RIMS1: variants seen among roughly 807,000 people sequenced by gnomAD.
RIMS1 encodes regulating synaptic membrane exocytosis 1.
Under a neutral mutation model 214.1 loss-of-function variants are expected in RIMS1, and 83 were observed. The observed-to-expected ratio is 0.39, with a 90% CI of 0.32 to 0.47. The LOEUF (loss-of-function observed/expected upper bound fraction) is 0.47, where lower values mean the gene tolerates loss of function less well. Ranked by LOEUF, RIMS1 falls within the 20% of genes least tolerant of loss-of-function variation. RIMS1 has a pLI of 0.99. For synonymous variants in RIMS1, 793 were observed against 786.8 expected (o/e 1.01, Z -0.13); for missense variants, 2,050 against 2,161.8 (o/e 0.95, Z 1.03).
At chr6:71,949,443 A>C (rs1788802992) in intron 1 of RIMS1, among the ~76,000 whole-genome samples, 1 of 152,156 alleles carries the variant, frequency 6.6e-6, no homozygotes, top group Non-Finnish European at 1.5e-5. Context: ...TTTCTTTTAC[A>C]CACTGAAGTA....
chr6:72,393,045 T>C (rs2098724986), intron 31 of RIMS1, among the ~76,000 whole-genome samples: 1 of 142,104 alleles, frequency 7.0e-6, no homozygotes, highest in South Asian at 2.2e-4. Context: ...CCTGATATAA[T>C]AGATGTAAAT....
intron 6 of RIMS1, among the ~76,000 whole-genome samples, chr6:72,200,910 A>G (rs147248233): frequency 1.3e-5 from 2 of 149,854 alleles, no homozygotes; most frequent in Admixed American, 6.7e-5. Context: ...GTCTGAGCTA[A>G]CATGCCAATT....
At chr6:72,291,524 A>G (rs1196405820) in intron 25 of RIMS1, among the ~76,000 whole-genome samples, 1 of 152,222 alleles carries the variant, frequency 6.6e-6, no homozygotes, top group Non-Finnish European at 1.5e-5. Context: ...TCTATAGTCA[A>G]TATCAATTTA....
At chr6:72,228,062 T>C (rs918260608) in intron 6 of RIMS1, among the ~76,000 whole-genome samples, 11 of 152,058 alleles carry the variant, frequency 7.2e-5, no homozygotes, top group East Asian at 3.9e-4. Flanking sequence ...GAGAGAAATA[T>C]ACACTCATAA....
At chr6:72,082,469 A>G (rs1201933642) in intron 2 of RIMS1, among the ~76,000 whole-genome samples, 1 of 152,196 alleles carries the variant, frequency 6.6e-6, no homozygotes, top group Non-Finnish European at 1.5e-5. Flanking sequence ...GAGTCTTTGC[A>G]TGTTAAATAA....
In RIMS1 at chr6:72,265,020, A is replaced by G. The variant is rs993752467; in HGVS notation, c.3162A>G (p.Leu1054=). The change falls in exon 20 of 34, where the codon TTA becomes TTG. Residue 1054 remains leucine, a synonymous_variant. Transcript: ENST00000521978. ...AAACATTACCTCCCAAGATGCCTTT[A>G]TTACAGAGCAGTTCTCACTGGAATA... ...HYKTLPPKMP[L]LQSSSHWNIY... is the part of the protein sequence containing the mutation. The G allele has an allele frequency of 1.3e-6, 2 of 1,594,532 alleles. No individual in the cohort carries two copies.
chr6:72,303,425 A>G (rs936765220), intron 26 of RIMS1, among the ~76,000 whole-genome samples: 3 of 151,132 alleles, frequency 2.0e-5, no homozygotes, highest in Non-Finnish European at 4.5e-5. Context: ...AAAGAATGTG[A>G]AAAGAGTAGT....
At chr6:72,304,244 G>A (rs2094926125) in intron 26 of RIMS1, among the ~76,000 whole-genome samples, 1 of 151,674 alleles carries the variant, frequency 6.6e-6, no homozygotes, top group African/African-American at 2.4e-5. Context: ...GCTAGGATTT[G>A]TGGGGTAATT....
chr6:72,262,883 T>TA (rs959694484), intron 19 of RIMS1: 9 of 558,196 alleles, frequency 1.6e-5, no homozygotes, highest in Non-Finnish European at 1.6e-5. Context: ...ATAAGGAAAA[T>TA]AACATTTATT....
intron 6 of RIMS1, among the ~76,000 whole-genome samples, chr6:72,189,229 G>A (rs1001645140): frequency 1.3e-5 from 2 of 152,154 alleles, no homozygotes; most frequent in Non-Finnish European, 2.9e-5. Flanking sequence ...CTTTGCCTGA[G>A]CCCTGCAAAG....
intron 2 of RIMS1, among the ~76,000 whole-genome samples, chr6:72,014,465 A>G (rs1185629959): frequency 1.3e-5 from 2 of 152,246 alleles, no homozygotes; most frequent in Non-Finnish European, 2.9e-5. Flanking sequence ...TTGCTGGATA[A>G]TATTCCATTG....
chr6:72,316,465 T>C (rs1009681820), intron 28 of RIMS1: 11 of 332,238 alleles, frequency 3.3e-5, no homozygotes, highest in East Asian at 7.2e-5. Flanking sequence ...ATAAATACCG[T>C]GGATGCTCAG....
intron 6 of RIMS1, among the ~76,000 whole-genome samples, chr6:72,222,577 A>G (rs978347570): frequency 2.0e-5 from 3 of 152,112 alleles, no homozygotes; most frequent in Non-Finnish European, 2.9e-5. Context: ...AATTGTAAAA[A>G]CTTAGCTTCT....
In RIMS1 at chr6:72,265,473, T is replaced by A; in HGVS notation, c.3278T>A (p.Val1093Glu). The stretch of plus-strand genomic sequence containing the variant: ...CATCATGAATGCTTTAACTCAACAG[T>A]ATTGAGATTTACTGATGAAATACTG... ...SLHHECFNST[V>E]LRFTDEILVS... Residue 1093 changes from valine to glutamate, a missense_variant, in exon 21 of 34, where the codon GTA becomes GAA. Physicochemically the swap from Val to Glu is moderately radical, Grantham distance 121. Transcript: ENST00000521978. 1 of 1,595,498 alleles carries A rather than the reference T, an allele frequency of 6.3e-7. No individual in the cohort carries two copies. The highest frequency in any genetic ancestry group is 8.6e-7 in the Non-Finnish European group (1 of 1,164,490).
rs2098831008 is a variant in RIMS1 at position 72,400,830 on chromosome 6, T to C, written c.*116T>C. On this transcript the variant is annotated 3_prime_UTR_variant, in exon 34 of 34. Transcript: ENST00000521978. ...ACAGACAATCAACTTGTGTTTTGCC[T>C]GTAGTAGTTTTTCAATAATATGTCC... 2 of 831,370 alleles carry C rather than the reference T, an allele frequency of 2.4e-6. No individual in the cohort carries two copies. The highest frequency in any genetic ancestry group is 1.7e-5 in the African/African-American group (1 of 58,368). The allele number at this position is 831,370 out of a possible 1,614,324, so 51.5% of individuals were successfully genotyped here.
At chr6:72,303,146 A>C (rs1032788819) in intron 26 of RIMS1, among the ~76,000 whole-genome samples, 7 of 151,102 alleles carry the variant, frequency 4.6e-5, no homozygotes, top group Non-Finnish European at 8.9e-5. Flanking sequence ...TTTTAAAGCA[A>C]ATTACAAATA....
At position 72,182,888 on chromosome 6, in the gene RIMS1, C is replaced by A; in HGVS notation, c.1417C>A (p.Gln473Lys). The A allele has an allele frequency of 6.4e-7, 1 of 1,569,126 alleles. No homozygotes were observed. The highest frequency in any genetic ancestry group is 8.6e-7 in the Non-Finnish European group (1 of 1,158,812). ...ELKAQEPLRK[Q>K]SRLDPSSAVL... The stretch of plus-strand genomic sequence containing the variant: ...CAAAGCCCAGGAGCCCCTCAGGAAG[C>A]AGAGCCGCCTGGACCCCAGCTCGGC... The change falls in exon 6 of 34, where the codon CAG becomes AAG. Residue 473 changes from glutamine (Q) to lysine (K), a missense_variant. Around this residue, in one of 6 missense-constraint regions of RIMS1, gnomAD observed 882 missense variants for 828.9 expected, o/e 1.06. Transcript: ENST00000521978.
chr6:72,233,991 T>C (rs1052192589), intron 7 of RIMS1, among the ~76,000 whole-genome samples, 151 bp downstream of exon 7: 1 of 151,988 alleles, frequency 6.6e-6, no homozygotes, highest in Non-Finnish European at 1.5e-5. Context: ...AGAAAAAAAG[T>C]TATTACTGGA....
At chr6:72,222,621 G>A (rs2058845705) in intron 6 of RIMS1, among the ~76,000 whole-genome samples, 1 of 152,022 alleles carries the variant, frequency 6.6e-6, no homozygotes, top group Non-Finnish European at 1.5e-5. Context: ...GTTTTTCGAT[G>A]TGCCAGATAT....
Sources: allele counts gnomAD v4.1 joint callset (sites outside exome capture counted in the v4.1 genomes callset), GRCh38; gene constraint gnomAD v4.1.1; regional missense constraint gnomAD v4.1.1; transcripts MANE v1.5; gene names NCBI Gene and HGNC (gene_info 2026-07-23, HGNC 2026-07-21).